Variants in PTPDC1 observed in about 807,000 individuals in gnomAD.
PTPDC1 encodes protein tyrosine phosphatase domain containing 1, also known as protein tyrosine phosphatase domain-containing protein 1.
Under a neutral mutation model 75.3 loss-of-function variants are expected in PTPDC1, and 53 were observed. The ratio of observed to expected loss-of-function variants is 0.70; its 90% CI spans 0.56 to 0.88. PTPDC1 has a LOEUF of 0.88. Among genes scored for constraint, PTPDC1 ranks in the 40% least tolerant of loss-of-function variants. The pLI, the probability that PTPDC1 is intolerant of heterozygous loss-of-function variation, is 0.00. For missense variants in PTPDC1, 925 were observed against 998.6 expected (o/e 0.93, Z 0.99); for synonymous variants, 349 against 366.2 (o/e 0.95, Z 0.54).
At chr9:94,050,465 T>G (rs1460314506) in intron 1 of PTPDC1, among the ~76,000 whole-genome samples, 1 of 152,222 alleles carries the variant, frequency 6.6e-6, no homozygotes, top group African/African-American at 2.4e-5. Flanking sequence ...CTGTTGGAGT[T>G]TGCTGGAGGT....
intron 1 of PTPDC1, among the ~76,000 whole-genome samples, chr9:94,050,046 G>T (rs1276983377): frequency 6.6e-6 from 1 of 152,016 alleles, no homozygotes; most frequent in African/African-American, 2.4e-5. Context: ...AGTTCTCGTG[G>T]CTTGGTTTTC....
chr9:94,051,886 C>T (rs1486912208), intron 1 of PTPDC1, among the ~76,000 whole-genome samples: 2 of 152,048 alleles, frequency 1.3e-5, no homozygotes, highest in African/African-American at 4.8e-5. Flanking sequence ...TCTGTCATTT[C>T]CTTCCTTCTT....
chr9:94,096,724 A>G (rs1587903775), intron 5 of PTPDC1, among the ~76,000 whole-genome samples: 2 of 152,196 alleles, frequency 1.3e-5, no homozygotes, highest in South Asian at 4.1e-4. Flanking sequence ...GAAAACACAT[A>G]TTAGTATAGG....
chr9:94,084,490 G>T lies in PTPDC1; in HGVS notation c.-41G>T. 6.2e-7 allele frequency: 1 copy of T among 1,601,814 alleles called. No individual in the cohort carries two copies. The highest frequency in any genetic ancestry group is 8.5e-7 in the Non-Finnish European group (1 of 1,179,222). On this transcript the variant is annotated 5_prime_UTR_variant, in exon 1 of 9. Transcript: ENST00000620992. ...GTGAAAGTTCCTCACTGAGTGAGTG[G>T]GGCTGACTCTTCCTGCCTCCGGCTC...
At chr9:94,104,254 T>C in intron 7 of PTPDC1, 21 bp from the exon 8 acceptor site, 1 of 1,580,430 alleles carries the variant, frequency 6.3e-7, no homozygotes, top group Non-Finnish European at 8.7e-7. Context: ...ATTTTTTAAA[T>C]TTTGATTTCT....
Position 94,098,507 on chromosome 9 carries a change from G to A in PTPDC1, c.1941G>A (p.Ala647=), listed in dbSNP as rs149809271. The A allele has an allele frequency of 2.2e-3, 3,532 of 1,614,100 alleles. 15 individuals are homozygous for A. The highest frequency in any genetic ancestry group is 0.018 in the Middle Eastern group (112 of 6,062). The change falls in exon 6 of 9, where the codon GCG becomes GCA. Residue 647 remains alanine, a synonymous_variant. Transcript: ENST00000620992. ...GTGCTGAGGCAAGAAGAATACTGGC[G>A]GCCAAAGCCCTAGCAAATTTAAATG... The part of the protein sequence containing the change: ...ELSAEARRIL[A]AKALANLNES...
At chr9:94,068,329 C>A (rs1451518637) in intron 2 of PTPDC1, among the ~76,000 whole-genome samples, 1 of 152,118 alleles carries the variant, frequency 6.6e-6, no homozygotes, top group Non-Finnish European at 1.5e-5. Flanking sequence ...TTTTTTAAAT[C>A]CCTTTCAAAG....
intron 1 of PTPDC1, among the ~76,000 whole-genome samples, chr9:94,048,990 G>A (rs1242226709): frequency 6.6e-6 from 1 of 151,934 alleles, no homozygotes; most frequent in East Asian, 1.9e-4. Context: ...GATCTTTGTT[G>A]GTTTAAAGTC....
At chr9:94,035,868 A>G (rs1825247494) in intron 1 of PTPDC1, among the ~76,000 whole-genome samples, 1 of 152,054 alleles carries the variant, frequency 6.6e-6, no homozygotes, top group Non-Finnish European at 1.5e-5. Context: ...ATGCCATCCT[A>G]ACAGGTGTGA....
chr9:94,065,923 C>G (rs1816219614), intron 2 of PTPDC1, among the ~76,000 whole-genome samples: 2 of 152,302 alleles, frequency 1.3e-5, no homozygotes, highest in South Asian at 4.1e-4. Context: ...TTTCTTTCCC[C>G]CTGAGTAACT....
At chr9:94,091,871 A>G (rs1434039080) in intron 4 of PTPDC1, among the ~76,000 whole-genome samples, 1 of 152,204 alleles carries the variant, frequency 6.6e-6, no homozygotes, top group Admixed American at 6.5e-5. Context: ...TTATTTGCAT[A>G]GAGGTGTTTG....
chr9:94,037,516 CT>C (rs1183352268), intron 1 of PTPDC1, among the ~76,000 whole-genome samples: 1 of 151,904 alleles, frequency 6.6e-6, no homozygotes, highest in African/African-American at 2.4e-5. Flanking sequence ...GATATGTTCT[CT>C]TTTGTAGCTT....
intron 1 of PTPDC1, among the ~76,000 whole-genome samples, chr9:94,059,789 G>T (rs7045643): frequency 0.57 from 87,112 of 151,958 alleles, 25,342 homozygotes; most frequent in Admixed American, 0.69. Context: ...TTATTCACTT[G>T]AAACTTTCAT....
At chr9:94,105,916 T>TA (rs1212266804) in intron 8 of PTPDC1, among the ~76,000 whole-genome samples, 6 of 151,364 alleles carry the variant, frequency 4.0e-5, no homozygotes, top group African/African-American at 1.5e-4. Context: ...GAGCTTGCAG[T>TA]GAGCCAAGAT....
intron 4 of PTPDC1, among the ~76,000 whole-genome samples, chr9:94,089,002 G>A (rs1033132518): frequency 3.3e-5 from 5 of 150,964 alleles, no homozygotes; most frequent in African/African-American, 9.8e-5. Context: ...ATTATACTTC[G>A]CCATAATTCT....
intron 4 of PTPDC1, among the ~76,000 whole-genome samples, chr9:94,091,841 T>A (rs370662858): frequency 0.026 from 3,944 of 152,298 alleles, 76 homozygotes; most frequent in Middle Eastern, 0.048. Context: ...AATTTATCCA[T>A]TTCTTCTAGA....
intron 2 of PTPDC1, among the ~76,000 whole-genome samples, chr9:94,067,401 AT>A (rs1210660191): frequency 6.7e-6 from 1 of 149,722 alleles, no homozygotes; most frequent in African/African-American, 2.5e-5. Flanking sequence ...AAAAAAAAAA[AT>A]AATAATAATA....
chr9:94,071,188 T>C (rs1291344047), intron 2 of PTPDC1, among the ~76,000 whole-genome samples: 3 of 152,210 alleles, frequency 2.0e-5, no homozygotes, highest in African/African-American at 7.2e-5. Context: ...GTTTTATCAG[T>C]ATTTATTTTA....
At chr9:94,093,474 C>T (rs1346493127) in intron 4 of PTPDC1, among the ~76,000 whole-genome samples, 17 of 146,592 alleles carry the variant, frequency 1.2e-4, no homozygotes, top group East Asian at 4.0e-4. Flanking sequence ...TGATGGGCTT[C>T]CCTTTGAGGG....
Sources: allele counts gnomAD v4.1 joint callset (sites outside exome capture counted in the v4.1 genomes callset), GRCh38; gene constraint gnomAD v4.1.1; transcripts MANE v1.5; gene names NCBI Gene and HGNC (gene_info 2026-07-23, HGNC 2026-07-21).